Variants in TNFSF4 observed in about 807,000 individuals in gnomAD.
TNFSF4 encodes TNF superfamily member 4.
TNFSF4 carries 4 observed loss-of-function variants against 7.3 expected under a neutral mutation model. That is an observed-to-expected ratio of 0.55 (90% CI 0.27 to 1.25). The LOEUF (loss-of-function observed/expected upper bound fraction) is 1.25. Among genes scored for constraint, TNFSF4 ranks in the 50% most tolerant of loss-of-function variants. The pLI is 0.12. For synonymous variants in TNFSF4, 76 were observed against 83.7 expected (o/e 0.91, Z 0.50); for missense variants, 181 against 208.8 (o/e 0.87, Z 0.82).
At chr1:173,348,557 G>C in the TNFSF4 span, among the ~76,000 whole-genome samples, 2 of 151,880 alleles carry the variant, frequency 1.3e-5, no homozygotes, top group Admixed American at 6.6e-5. Flanking sequence ...ATAATGATAA[G>C]AACAAAAATC....
the TNFSF4 span, among the ~76,000 whole-genome samples, chr1:173,287,681 T>C: frequency 1.3e-5 from 2 of 152,100 alleles, no homozygotes. Flanking sequence ...GAAATGATTG[T>C]CAATAATAGA....
the TNFSF4 span, among the ~76,000 whole-genome samples, chr1:173,233,391 T>C: frequency 5.3e-5 from 8 of 152,196 alleles, no homozygotes; most frequent in Non-Finnish European, 1.0e-4. Context: ...TGGAACCAAG[T>C]TGGAAAACAC....
At chr1:173,279,407 C>CT in the TNFSF4 span, among the ~76,000 whole-genome samples, 80 of 152,158 alleles carry the variant, frequency 5.3e-4, 2 homozygotes, top group East Asian at 0.014. Context: ...AGTCCTCGTT[C>CT]TTATCCATGG....
the TNFSF4 span, among the ~76,000 whole-genome samples, chr1:173,337,771 G>T: frequency 1.3e-5 from 2 of 152,192 alleles, no homozygotes; most frequent in Admixed American, 1.3e-4. Context: ...CAATGGTTTG[G>T]CTGACGGTCA....
the TNFSF4 span, among the ~76,000 whole-genome samples, chr1:173,279,429 T>A: frequency 1.3e-5 from 2 of 152,096 alleles, no homozygotes. Context: ...TTCAATTCTG[T>A]CTTTATGTTG....
At chr1:173,250,195 G>C in the TNFSF4 span, among the ~76,000 whole-genome samples, 2 of 150,226 alleles carry the variant, frequency 1.3e-5, no homozygotes, top group Admixed American at 1.3e-4. Context: ...TAATCTACTT[G>C]TTTATTTTTA....
chr1:173,399,402 G>A, the TNFSF4 span, among the ~76,000 whole-genome samples: 1 of 152,178 alleles, frequency 6.6e-6, no homozygotes, highest in Non-Finnish European at 1.5e-5. Flanking sequence ...TACTGGTGAA[G>A]GGAAACAGTG....
At chr1:173,200,058 A>G (rs1337509231) in intron 1 of TNFSF4, among the ~76,000 whole-genome samples, 1 of 152,222 alleles carries the variant, frequency 6.6e-6, no homozygotes, top group Non-Finnish European at 1.5e-5. Flanking sequence ...TTTTTTTAAA[A>G]AGAGTCTTTC....
the TNFSF4 span, among the ~76,000 whole-genome samples, chr1:173,230,754 C>T: frequency 6.6e-6 from 1 of 152,138 alleles, no homozygotes; most frequent in Non-Finnish European, 1.5e-5. Context: ...GACATCACCA[C>T]CAATCCCACA....
chr1:173,338,305 G>C, the TNFSF4 span, among the ~76,000 whole-genome samples: 1 of 152,170 alleles, frequency 6.6e-6, no homozygotes, highest in African/African-American at 2.4e-5. Flanking sequence ...CAATGCTTCT[G>C]CCAAAACTAT....
At chr1:173,349,076 T>C in the TNFSF4 span, among the ~76,000 whole-genome samples, 1 of 152,190 alleles carries the variant, frequency 6.6e-6, no homozygotes, top group Non-Finnish European at 1.5e-5. Context: ...TCTCCCAGGC[T>C]GGAGTGCAGT....
At chr1:173,348,267 AG>A in the TNFSF4 span, among the ~76,000 whole-genome samples, 3 of 152,188 alleles carry the variant, frequency 2.0e-5, no homozygotes, top group Admixed American at 1.3e-4. Flanking sequence ...AGTGAATAAA[AG>A]TCTCATGAGA....
chr1:173,320,181 C>T, the TNFSF4 span, among the ~76,000 whole-genome samples: 492 of 152,228 alleles, frequency 3.2e-3, 3 homozygotes, highest in African/African-American at 0.011. Flanking sequence ...GTTCAACACA[C>T]GCAAATCAAT....
At chr1:173,284,790 C>T in the TNFSF4 span, among the ~76,000 whole-genome samples, 1 of 152,164 alleles carries the variant, frequency 6.6e-6, no homozygotes, top group African/African-American at 2.4e-5. Context: ...CCATTATTAA[C>T]ACCTACTCCT....
chr1:173,306,426 G>A, the TNFSF4 span, among the ~76,000 whole-genome samples: 2 of 151,888 alleles, frequency 1.3e-5, no homozygotes, highest in Non-Finnish European at 2.9e-5. Flanking sequence ...GCCCCTCAGG[G>A]ACTGGAGTGA....
At chr1:173,337,215 C>A in the TNFSF4 span, among the ~76,000 whole-genome samples, 32 of 152,190 alleles carry the variant, frequency 2.1e-4, no homozygotes, top group African/African-American at 7.7e-4. Flanking sequence ...CCACAGATAA[C>A]TTCTCTTATT....
chr1:173,436,239 G>A, the TNFSF4 span, among the ~76,000 whole-genome samples: 321 of 152,230 alleles, frequency 2.1e-3, 3 homozygotes, highest in African/African-American at 7.5e-3. Context: ...AACCAGAAGC[G>A]AAGGCAGCCA....
At chr1:173,330,506 G>A in the TNFSF4 span, among the ~76,000 whole-genome samples, 1 of 152,126 alleles carries the variant, frequency 6.6e-6, no homozygotes, top group Non-Finnish European at 1.5e-5. Context: ...CCAGCATCTG[G>A]AAAAGGTCAA....
At chr1:173,409,257 C>G in the TNFSF4 span, among the ~76,000 whole-genome samples, 2 of 152,154 alleles carry the variant, frequency 1.3e-5, no homozygotes, top group African/African-American at 2.4e-5. Context: ...CTGAGAGGGT[C>G]AAAGAGGCAC....
Sources: allele counts gnomAD v4.1 joint callset (sites outside exome capture counted in the v4.1 genomes callset), GRCh38; gene constraint gnomAD v4.1.1; transcripts MANE v1.5; gene names NCBI Gene and HGNC (gene_info 2026-07-23, HGNC 2026-07-21).